Variants in GLRA2 observed in about 807,000 individuals in gnomAD.
The protein encoded by GLRA2 is glycine receptor subunit alpha-2.
In GLRA2, 11 loss-of-function variants were observed where a neutral mutation model predicts 31.6. The ratio of observed to expected loss-of-function variants is 0.35; its 90% CI spans 0.22 to 0.58. The LOEUF is 0.58. GLRA2 is among the 20% of genes least tolerant of loss of function. GLRA2 has a pLI of 0.84. For missense variants in GLRA2, 212 were observed against 351.8 expected (o/e 0.60, Z 3.18); for synonymous variants, 132 against 134.0 (o/e 0.99, Z 0.10).
chrX:14,716,189 G>T (rs1160624834), intron 8 of GLRA2, among the ~76,000 whole-genome samples: 3 of 111,245 alleles, frequency 2.7e-5, no homozygotes, highest in Non-Finnish European at 5.7e-5. Flanking sequence ...ACCAGCTAGA[G>T]ATTAGTCTCA....
At chrX:14,661,050 G>A (rs1405136414) in intron 7 of GLRA2, among the ~76,000 whole-genome samples, 1 of 112,013 alleles carries the variant, frequency 8.9e-6, no homozygotes, top group Admixed American at 9.5e-5. Context: ...TTAACATGGT[G>A]CCAGAAACAT....
intron 8 of GLRA2, among the ~76,000 whole-genome samples, chrX:14,720,283 AC>A (rs1569526976): frequency 8.9e-6 from 1 of 111,927 alleles, no homozygotes; most frequent in East Asian, 2.8e-4. Context: ...GTATTGAAAT[AC>A]CACCCTTACC....
chrX:14,486,071 A>G, the GLRA2 span, among the ~76,000 whole-genome samples: 2 of 111,668 alleles, frequency 1.8e-5, no homozygotes, highest in Non-Finnish European at 3.8e-5. Flanking sequence ...TGAACAGACT[A>G]GTGGGAAAAA....
At chrX:14,454,197 CA>C in the GLRA2 span, among the ~76,000 whole-genome samples, 2,407 of 23,418 alleles carry the variant, frequency 0.1, 104 homozygotes, top group African/African-American at 0.18. Flanking sequence ...CCCACACACA[CA>C]CACACACACA....
intron 8 of GLRA2, among the ~76,000 whole-genome samples, chrX:14,712,371 C>T (rs955986008): frequency 3.6e-5 from 4 of 111,670 alleles, no homozygotes; most frequent in Non-Finnish European, 7.5e-5. Context: ...CAAAAATGAC[C>T]CTAGTTGAGA....
chrX:14,527,365 C>T (rs905660959), upstream of GLRA2, among the ~76,000 whole-genome samples: 8 of 111,677 alleles, frequency 7.2e-5, no homozygotes, highest in Non-Finnish European at 1.9e-5. Context: ...GCCTGTAATC[C>T]CAGCACTATG....
intron 2 of GLRA2, among the ~76,000 whole-genome samples, chrX:14,563,956 G>C: frequency 9.0e-6 from 1 of 111,026 alleles, no homozygotes; most frequent in Non-Finnish European, 1.9e-5. Context: ...CAGAGCCTAG[G>C]ATACCAATGG....
chrX:14,671,270 G>A (rs996758603), intron 7 of GLRA2, among the ~76,000 whole-genome samples: 2 of 111,718 alleles, frequency 1.8e-5, no homozygotes, highest in Non-Finnish European at 3.8e-5. Flanking sequence ...GATGTGGCAG[G>A]CATCATTTTT....
the GLRA2 span, among the ~76,000 whole-genome samples, chrX:14,503,628 A>G: frequency 8.9e-6 from 1 of 111,746 alleles, no homozygotes; most frequent in Non-Finnish European, 1.9e-5. Flanking sequence ...CAATGCCAAC[A>G]GCCAGCATTC....
chrX:14,527,539 C>T (rs187803212), upstream of GLRA2, among the ~76,000 whole-genome samples: 103 of 108,705 alleles, frequency 9.5e-4, no homozygotes, highest in Non-Finnish European at 1.8e-3. Flanking sequence ...CGCTTGAACC[C>T]GGGAGGTGGA....
intron 2 of GLRA2, among the ~76,000 whole-genome samples, chrX:14,551,610 T>G (rs2089566437): frequency 1.8e-5 from 2 of 111,854 alleles, no homozygotes; most frequent in African/African-American, 3.3e-5. Context: ...TTTTTACATC[T>G]TTGAGTGCAA....
chrX:14,545,758 C>T (rs760841493), intron 2 of GLRA2, among the ~76,000 whole-genome samples: 17 of 111,226 alleles, frequency 1.5e-4, no homozygotes, highest in East Asian at 2.8e-4. Flanking sequence ...AAGGGACAGA[C>T]GGTGTCATTA....
chrX:14,494,490 TGG>T, the GLRA2 span, among the ~76,000 whole-genome samples: 43 of 111,574 alleles, frequency 3.9e-4, no homozygotes, highest in African/African-American at 9.4e-4. Context: ...ATCACAAAAC[TGG>T]TTTTTTTCTG....
chrX:14,556,282 G>T (rs2089641777), intron 2 of GLRA2, among the ~76,000 whole-genome samples: 2 of 111,346 alleles, frequency 1.8e-5, no homozygotes, highest in African/African-American at 6.5e-5. Context: ...TCATAGTAGA[G>T]GATTCAATTA....
intron 8 of GLRA2, among the ~76,000 whole-genome samples, chrX:14,709,370 C>T (rs1410131073): frequency 8.9e-6 from 1 of 112,070 alleles, no homozygotes; most frequent in Non-Finnish European, 1.9e-5. Flanking sequence ...ATTATTTTCC[C>T]ATAGTGACCA....
chrX:14,710,827 A>G (rs1389277183), intron 8 of GLRA2, among the ~76,000 whole-genome samples: 1 of 111,949 alleles, frequency 8.9e-6, no homozygotes, highest in East Asian at 2.8e-4. Flanking sequence ...AGCAGTTTTT[A>G]CACACAGAGA....
intron 2 of GLRA2, among the ~76,000 whole-genome samples, chrX:14,555,700 T>G (rs1462260446): frequency 8.9e-6 from 1 of 112,451 alleles, no homozygotes; most frequent in African/African-American, 3.2e-5. Flanking sequence ...AACATTTGAT[T>G]TAAATGAATT....
chrX:14,722,141 A>G (rs756206685), intron 8 of GLRA2, among the ~76,000 whole-genome samples: 1 of 112,033 alleles, frequency 8.9e-6, no homozygotes, highest in South Asian at 3.7e-4. Flanking sequence ...TAAAACGATA[A>G]CAAGCAGTTC....
chrX:14,608,534 C>T (rs1185468057), intron 6 of GLRA2, among the ~76,000 whole-genome samples: 4 of 110,810 alleles, frequency 3.6e-5, no homozygotes, highest in Non-Finnish European at 5.7e-5. Flanking sequence ...AACTATTACA[C>T]AGTGTATGTC....
Sources: gnomAD v4.1 joint callset for allele counts (sites outside exome capture counted in the v4.1 genomes callset) on GRCh38, gnomAD v4.1.1 for gene constraint, MANE v1.5 for transcripts, NCBI Gene and HGNC (gene_info 2026-07-23, HGNC 2026-07-21) for gene names.